Variants in DUSP10 observed in about 807,000 individuals in gnomAD.
The protein encoded by DUSP10 is dual specificity phosphatase 10.
In DUSP10, 14 loss-of-function variants were observed where a neutral mutation model predicts 30.8. That is an observed-to-expected ratio of 0.46 (90% CI 0.30 to 0.71). The LOEUF (loss-of-function observed/expected upper bound fraction) is 0.71, where lower values mean the gene tolerates loss of function less well. DUSP10 is among the 30% of genes least tolerant of loss of function. The pLI, the probability that DUSP10 is intolerant of heterozygous loss-of-function variation, is 0.08. For synonymous variants in DUSP10, 254 were observed against 250.4 expected, an observed-to-expected ratio of 1.01 and a Z score of -0.14; for missense variants, 550 against 619.4, an observed-to-expected ratio of 0.89 and a Z score of 1.19.
In DUSP10 at chr1:221,706,856, C is replaced by T. The variant is rs1660784927; in HGVS notation, c.812-390G>A. Among the ~76,000 whole-genome samples the T allele has an allele frequency of 6.6e-6, 1 of 152,114 alleles. No homozygotes were observed. Among genetic ancestry groups the T allele is most frequent in the South Asian group, 2.1e-4 (1 of 4,822 alleles). ...CCTGTGCTTTGGGAGCCAAGAAAGG[C>T]ACAGATGACCTCCTCGGGTGGAATC... On this transcript the variant is annotated intron_variant, in intron 2 of 3. Coordinates refer to ENST00000366899, the MANE Select transcript of DUSP10 (RefSeq NM_007207.6). The surrounding 1 kb of genome is among the most constrained non-coding windows in gnomAD (Gnocchi z 4.6).
intron 2 of DUSP10, among the ~76,000 whole-genome samples, chr1:221,730,989 A>C (rs113221955): frequency 6.6e-6 from 1 of 152,178 alleles, no homozygotes; most frequent in African/African-American, 2.4e-5. Flanking sequence ...ATCAATTTTA[A>C]TATAAAATGT....
chr1:221,732,075 G>A (rs1661625479), intron 2 of DUSP10, among the ~76,000 whole-genome samples: 1 of 152,154 alleles, frequency 6.6e-6, no homozygotes, highest in South Asian at 2.1e-4. Context: ...TGGAAGACTG[G>A]TCCCATCCAT....
intron 2 of DUSP10, among the ~76,000 whole-genome samples, chr1:221,721,309 A>G (rs947511191): frequency 2.6e-5 from 4 of 152,220 alleles, no homozygotes; most frequent in Non-Finnish European, 5.9e-5. Flanking sequence ...TGGATTTGCG[A>G]GATTTGATTG....
In DUSP10 at chr1:221,702,338, A is replaced by G; in HGVS notation, c.*74T>C. 2 of 1,527,716 alleles carry G rather than the reference A, an allele frequency of 1.3e-6. No individual in the cohort carries two copies. Among genetic ancestry groups the G allele is most frequent in the South Asian group, 1.3e-5 (1 of 78,732 alleles). The allele number at this position is 1,527,716 out of a possible 1,614,324, so 94.6% of individuals were successfully genotyped here. ...CAACTACAAAAAAAAAAAGAAAGAA[A>G]AAAAACCAGAATCCATCCTCCTTCC... is the stretch of plus-strand genomic sequence containing the variant. On this transcript the variant is annotated 3_prime_UTR_variant, in exon 4 of 4. Transcript: ENST00000366899. This position sits in a 1 kb window ranked among gnomAD's most constrained non-coding sequence, Gnocchi z 4.5.
At chr1:221,737,660 C>A (rs1040552794) in intron 2 of DUSP10, among the ~76,000 whole-genome samples, 1 of 152,134 alleles carries the variant, frequency 6.6e-6, no homozygotes, top group African/African-American at 2.4e-5. Flanking sequence ...TAGTGTAGCC[C>A]CATGAGGGCA....
rs1267520778 is a variant in DUSP10, at chr1:221,718,113, G to A, written c.812-11647C>T. Among the ~76,000 whole-genome samples the A allele has an allele frequency of 3.4e-5, 5 of 149,184 alleles. No homozygotes were observed. In the East Asian group the frequency reaches 9.9e-4, roughly 30 times the overall value. ...GAATGGGGGTGGCAGGGTGGTGGGG[G>A]TGGGGGCGGGGGCTGCAGGGGGTGG... On this transcript the variant is annotated intron_variant, in intron 2 of 3. Transcript: ENST00000366899.
In DUSP10 at chr1:221,739,703, T is replaced by C; in HGVS notation, c.42A>G (p.Leu14=). 6.2e-7 allele frequency: 1 copy of C among 1,612,444 alleles called. No homozygotes were observed. Among genetic ancestry groups the C allele is most frequent in the South Asian group, 1.1e-5 (1 of 90,854 alleles). ...SPLDDRVVVA[L]SRPVRPQDLN... ...GATCCTGAGGTCGGACGGGCCTAGA[T>C]AGTGCCACTACTACCCTGTCGTCTA... Residue 14 remains leucine, a synonymous_variant, in exon 2 of 4, where the codon CTA becomes CTG. Transcript: ENST00000366899.
chr1:221,708,149 A>T (rs778364167), intron 2 of DUSP10, among the ~76,000 whole-genome samples: 5 of 152,208 alleles, frequency 3.3e-5, no homozygotes, highest in Non-Finnish European at 7.3e-5. Flanking sequence ...CCAGAACACA[A>T]CATCTACCCT....
chr1:221,721,760 G>T (rs1558122038), intron 2 of DUSP10, among the ~76,000 whole-genome samples: 1 of 152,158 alleles, frequency 6.6e-6, no homozygotes, highest in African/African-American at 2.4e-5. Flanking sequence ...GGAAAAGAAG[G>T]CTCAGGAGGG....
chr1:221,738,944 C>A lies in DUSP10; in HGVS notation c.801G>T (p.Leu267=), dbSNP rs1368017482. 3 of 1,608,284 alleles carry A rather than the reference C, an allele frequency of 1.9e-6. No individual in the cohort carries two copies. The highest frequency in any genetic ancestry group is 2.5e-6 in the Non-Finnish European group (3 of 1,176,806). Residue 267 remains leucine, a synonymous_variant, in exon 2 of 4, where the codon CTG becomes CTT. Coordinates refer to ENST00000366899, the MANE Select transcript of DUSP10 (RefSeq NM_007207.6). ...ESLKREGKEP[L]VLKGGLSSFK... ...GAGCAGGGGCATTACCTTTCAACAC[C>A]AGAGGTTCTTTGCCTTCTCTCTTCA...
At chr1:221,715,896 G>A (rs754940246) in intron 2 of DUSP10, among the ~76,000 whole-genome samples, 89 of 151,960 alleles carry the variant, frequency 5.9e-4, no homozygotes, top group Non-Finnish European at 1.1e-3. Flanking sequence ...CAGGGCCTTG[G>A]GTTTGGTCTC....
At chr1:221,705,456 A>G (rs1558115493) in intron 3 of DUSP10, among the ~76,000 whole-genome samples, 1 of 152,202 alleles carries the variant, frequency 6.6e-6, no homozygotes, top group African/African-American at 2.4e-5. Context: ...AGTTGCAGAA[A>G]TTAAGATTAG....
rs748948279 is a variant in DUSP10, at chr1:221,702,552, A to C, written c.1309T>G (p.Phe437Val). The C allele has an allele frequency of 6.2e-7, 1 of 1,614,172 alleles. No homozygotes were observed. The change falls in exon 4 of 4, where the codon TTT (phenylalanine) becomes GTT (valine). Residue 437 changes from phenylalanine to valine, a missense_variant. Phe to Val is a conservative substitution (Grantham distance 50, BLOSUM62 -1). Coordinates refer to ENST00000366899, the MANE Select transcript of DUSP10 (RefSeq NM_007207.6). The surrounding 1 kb of genome is among the most constrained non-coding windows in gnomAD (Gnocchi z 4.5). The part of the protein sequence containing the change: ...TRMTMTDAYK[F>V]VKGKRPIISP... ...ATAATTGGTCGTTTGCCTTTGACAA[A>C]TTTATAAGCATCAGTCATGGTCATC...
intron 2 of DUSP10, among the ~76,000 whole-genome samples, chr1:221,732,897 C>A (rs573956341): frequency 6.6e-6 from 1 of 152,356 alleles, no homozygotes; most frequent in African/African-American, 2.4e-5. Context: ...GTGAAAACTA[C>A]TGGATTAGGG....
Position 221,701,616 on chromosome 1 carries a change from G to T in DUSP10, c.*796C>A, listed in dbSNP as rs1409889672. ...AAAAAAAAAAAAAGGAAAAAGGTGG[G>T]AAGGAAAGTATTTGATATATTGTTG... On this transcript the variant is annotated 3_prime_UTR_variant, in exon 4 of 4. Transcript: ENST00000366899. The T allele has an allele frequency of 6.6e-6, 1 of 151,474 alleles. No individual in the cohort carries two copies. The highest frequency in any genetic ancestry group is 1.5e-5 in the Non-Finnish European group (1 of 67,828). The allele number at this position is 151,474 out of a possible 1,614,324, so 9.4% of individuals were successfully genotyped here.
At chr1:221,730,078 C>T (rs956746459) in intron 2 of DUSP10, among the ~76,000 whole-genome samples, 1 of 152,276 alleles carries the variant, frequency 6.6e-6, no homozygotes, top group Admixed American at 6.5e-5. Flanking sequence ...CTCCCCCACC[C>T]CTCCTCTTTC....
intron 2 of DUSP10, among the ~76,000 whole-genome samples, chr1:221,720,521 G>A (rs968671828): frequency 6.6e-6 from 1 of 152,188 alleles, no homozygotes; most frequent in Non-Finnish European, 1.5e-5. Context: ...CAGGGAGGGG[G>A]TTGCAGAAAT....
chr1:221,717,263 G>A (rs958118351), intron 2 of DUSP10, among the ~76,000 whole-genome samples: 3 of 152,120 alleles, frequency 2.0e-5, no homozygotes, highest in African/African-American at 7.2e-5. Flanking sequence ...CCAAATGTGG[G>A]GAGGCACAAT....
chr1:221,739,693 C>G lies in DUSP10; in HGVS notation c.52G>C (p.Val18Leu). 6.2e-7 allele frequency: 1 copy of G among 1,613,332 alleles called. No homozygotes were observed. Among genetic ancestry groups the G allele is most frequent in the Non-Finnish European group, 8.5e-7 (1 of 1,179,658 alleles). ...CAAAGGTTGAGATCCTGAGGTCGGA[C>G]GGGCCTAGATAGTGCCACTACTACC... ...DRVVVALSRP[V>L]RPQDLNLCLD... The change falls in exon 2 of 4, where the codon GTC (valine) becomes CTC (leucine). Residue 18 changes from valine (V) to leucine (L), a missense_variant. Physicochemically the swap from Val to Leu is conservative, Grantham distance 32. Coordinates refer to ENST00000366899, the MANE Select transcript of DUSP10 (RefSeq NM_007207.6).
Sources: gnomAD v4.1 joint callset for allele counts (sites outside exome capture counted in the v4.1 genomes callset) on GRCh38, gnomAD v4.1.1 for gene constraint, Gnocchi (gnomAD v3.1) non-coding constraint, MANE v1.5 for transcripts, NCBI Gene and HGNC (gene_info 2026-07-23, HGNC 2026-07-21) for gene names.